The following MYT1L variants were observed in gnomAD, a reference collection of about 807,000 sequenced individuals.
MYT1L encodes myelin transcription factor 1 like, also known as myelin transcription factor 1-like protein.
Under a neutral mutation model 126.7 loss-of-function variants are expected in MYT1L, and 12 were observed. That is an observed-to-expected ratio of 0.09 (90% CI 0.06 to 0.15). The LOEUF (loss-of-function observed/expected upper bound fraction) is 0.15. Among genes scored for constraint, MYT1L ranks in the 10% least tolerant of loss-of-function variants. The pLI is 1.00. For missense variants in MYT1L, 979 were observed against 1,585.2 expected, an observed-to-expected ratio of 0.62 and a Z score of 6.49; for synonymous variants, 541 against 604.2, an observed-to-expected ratio of 0.90 and a Z score of 1.53.
At chr2:2,136,945 G>A (rs867187782) in intron 3 of MYT1L, among the ~76,000 whole-genome samples, 2 of 152,134 alleles carry the variant, frequency 1.3e-5, no homozygotes, top group African/African-American at 2.4e-5. Flanking sequence ...AAACCCCATC[G>A]TCTCAGCCCA....
intron 23 of MYT1L, among the ~76,000 whole-genome samples, chr2:1,796,787 C>T (rs1382290979): frequency 1.3e-4 from 20 of 152,128 alleles, no homozygotes; most frequent in Admixed American, 1.2e-3. Flanking sequence ...GGACTCCCGC[C>T]GTCTCTCCTC....
chr2:2,221,026 G>T (rs2093849710), intron 2 of MYT1L, among the ~76,000 whole-genome samples: 1 of 152,200 alleles, frequency 6.6e-6, no homozygotes, highest in Admixed American at 6.5e-5. Flanking sequence ...CCTATTAGCA[G>T]GGTCAACAAT....
At chr2:1,952,404 G>A (rs2057839475) in intron 8 of MYT1L, among the ~76,000 whole-genome samples, 1 of 151,984 alleles carries the variant, frequency 6.6e-6, no homozygotes, top group Admixed American at 6.6e-5. Context: ...GTACCTCTCG[G>A]GCTTTGACCA....
intron 3 of MYT1L, among the ~76,000 whole-genome samples, chr2:2,088,440 C>A (rs1211352136): frequency 2.0e-5 from 3 of 151,996 alleles, no homozygotes; most frequent in Non-Finnish European, 4.4e-5. Flanking sequence ...TGCTCATGAC[C>A]CTAAACTCAC....
At chr2:2,288,486 GTT>G (rs1559560767) in intron 1 of MYT1L, among the ~76,000 whole-genome samples, 1 of 152,196 alleles carries the variant, frequency 6.6e-6, no homozygotes, top group Non-Finnish European at 1.5e-5. Context: ...CTCATGTGCA[GTT>G]TACCTGGAAA....
intron 3 of MYT1L, among the ~76,000 whole-genome samples, chr2:2,092,981 TTGAA>T (rs1190273187): frequency 5.9e-5 from 9 of 152,212 alleles, no homozygotes; most frequent in Admixed American, 5.2e-4. Context: ...GTGTGTAACT[TTGAA>T]TGCACCACAA....
At chr2:2,108,025 C>G (rs1024899729) in intron 3 of MYT1L, among the ~76,000 whole-genome samples, 1 of 152,194 alleles carries the variant, frequency 6.6e-6, no homozygotes, top group Non-Finnish European at 1.5e-5. Flanking sequence ...ATAAACCTCA[C>G]TACCTGAGCA....
At chr2:1,954,038 T>C (rs2058118505) in intron 8 of MYT1L, among the ~76,000 whole-genome samples, 1 of 152,188 alleles carries the variant, frequency 6.6e-6, no homozygotes, top group Non-Finnish European at 1.5e-5. Flanking sequence ...AGTGGGACTC[T>C]ACTTACTAGT....
chr2:1,934,747 C>T (rs2149206996), intron 9 of MYT1L, among the ~76,000 whole-genome samples: 1 of 151,846 alleles, frequency 6.6e-6, no homozygotes, highest in East Asian at 1.9e-4. Context: ...CACACACACA[C>T]ACACACACAC....
At chr2:2,005,844 C>A (rs559243073) in intron 4 of MYT1L, among the ~76,000 whole-genome samples, 7 of 149,220 alleles carry the variant, frequency 4.7e-5, no homozygotes, top group African/African-American at 1.7e-4. Flanking sequence ...TTCTTTCCTG[C>A]CTGCTTTCTT....
chr2:1,886,524 G>C lies in MYT1L; in HGVS notation c.2711+15C>G. 1 of 1,545,324 alleles carries C rather than the reference G, an allele frequency of 6.5e-7. No individual in the cohort carries two copies. Among genetic ancestry groups the C allele is most frequent in the Non-Finnish European group, 8.7e-7 (1 of 1,145,300 alleles). On this transcript the variant is annotated intron_variant, in intron 18 of 24. Coordinates refer to ENST00000647738, the MANE Select transcript of MYT1L (RefSeq NM_001303052.2). ...CATGGATTTTTAAAAGAGAATTATT[G>C]TCATTAAATCTTACTTGAGTTCTTG...
intron 2 of MYT1L, among the ~76,000 whole-genome samples, chr2:2,248,156 A>C (rs1397561036): frequency 2.0e-5 from 3 of 151,888 alleles, no homozygotes; most frequent in African/African-American, 7.3e-5. Flanking sequence ...AAAAGAGAGA[A>C]GACTCAAATA....
intron 21 of MYT1L, among the ~76,000 whole-genome samples, chr2:1,809,509 T>C (rs1400786561): frequency 6.6e-6 from 1 of 152,294 alleles, no homozygotes; most frequent in African/African-American, 2.4e-5. Context: ...TGTAGAGTGA[T>C]AATATTGCTT....
intron 1 of MYT1L, among the ~76,000 whole-genome samples, chr2:2,286,290 A>G (rs1428935083): frequency 6.6e-6 from 1 of 152,136 alleles, no homozygotes; most frequent in African/African-American, 2.4e-5. Context: ...CCTGTTCTTC[A>G]TTCTTCTAAA....
chr2:2,068,769 G>GTTTTTTTTTTTTTTTTT lies in MYT1L; in HGVS notation c.-303-14663_-303-14647dup, dbSNP rs55838351. ...GGACACAGACACCTGTGTTCTTCTT[G>GTTTTTTTTTTTTTTTTT]TTTTTTTTTTTTTTTTTTTTTTTTT... On this transcript the variant is annotated intron_variant, in intron 3 of 24. Transcript: ENST00000647738. 1.9e-4 allele frequency among the ~76,000 whole-genome samples: 5 copies of GTTTTTTTTTTTTTTTTT among 26,182 alleles called. 1 individual carries two copies. The highest frequency in any genetic ancestry group is 1.8e-3 in the Admixed American group (2 of 1,116). The allele number at this position is 26,182 out of a possible 152,430, so 17.2% of individuals were successfully genotyped here.
intron 3 of MYT1L, among the ~76,000 whole-genome samples, chr2:2,101,289 C>G (rs543159662): frequency 6.6e-6 from 1 of 152,060 alleles, no homozygotes; most frequent in Non-Finnish European, 1.5e-5. Flanking sequence ...AGGCATGAAA[C>G]CTTCAGCATC....
intron 2 of MYT1L, among the ~76,000 whole-genome samples, chr2:2,209,643 T>TA (rs905023366): frequency 6.6e-6 from 1 of 152,198 alleles, no homozygotes; most frequent in Non-Finnish European, 1.5e-5. Context: ...AATTTTTAAT[T>TA]AAAAAATATA....
rs2043339133 is a variant in MYT1L at position 1,852,049 on chromosome 2, C to A, written c.2712-346G>T. Among the ~76,000 whole-genome samples, 1 of 152,194 alleles carries A rather than the reference C, an allele frequency of 6.6e-6. No homozygotes were observed. Among genetic ancestry groups the A allele is most frequent in the Admixed American group, 6.5e-5 (1 of 15,288 alleles). ...CTCAGCAGAGCCAGCAACCACAGGG[C>A]TTGTTACTGCACCAGCCCACGTGGG... On this transcript the variant is annotated intron_variant, in intron 18 of 24. Coordinates refer to ENST00000647738, the MANE Select transcript of MYT1L (RefSeq NM_001303052.2). The surrounding 1 kb of genome is among the most constrained non-coding windows in gnomAD (Gnocchi z 4.0).
At chr2:2,301,086 C>G (rs1369704852) in intron 1 of MYT1L, among the ~76,000 whole-genome samples, 2 of 152,028 alleles carry the variant, frequency 1.3e-5, no homozygotes, top group African/African-American at 4.8e-5. Flanking sequence ...ACTCAGCAGA[C>G]AACATGGAAG....
Sources: gnomAD v4.1 joint callset for allele counts (sites outside exome capture counted in the v4.1 genomes callset) on GRCh38, gnomAD v4.1.1 for gene constraint, Gnocchi (gnomAD v3.1) non-coding constraint, MANE v1.5 for transcripts, NCBI Gene and HGNC (gene_info 2026-07-23, HGNC 2026-07-21) for gene names.